The following TGFBR3 variants were observed in gnomAD, a reference collection of about 807,000 sequenced individuals.
The protein encoded by TGFBR3 is transforming growth factor beta receptor 3, also known as transforming growth factor beta receptor type 3.
A neutral mutation model predicts 87.9 loss-of-function variants in TGFBR3; 46 were observed. The ratio of observed to expected loss-of-function variants is 0.52; its 90% CI spans 0.41 to 0.67. The LOEUF (loss-of-function observed/expected upper bound fraction) is 0.67, where lower values mean the gene tolerates loss of function less well. Ranked by LOEUF, TGFBR3 falls within the 30% of genes least tolerant of loss-of-function variation. TGFBR3 has a pLI of 0.00. For synonymous variants in TGFBR3, 381 were observed against 391.6 expected (o/e 0.97, Z 0.32); for missense variants, 866 against 1,041.9 (o/e 0.83, Z 2.32).
At chr1:91,776,709 T>TATGCAG (rs1237945391) in intron 3 of TGFBR3, among the ~76,000 whole-genome samples, 3 of 152,190 alleles carry the variant, frequency 2.0e-5, no homozygotes, top group Non-Finnish European at 4.4e-5. Context: ...GGTGACAAAT[T>TATGCAG]GGTGGCAGCT....
intron 3 of TGFBR3, chr1:91,771,057 C>T (rs1482971202): frequency 3.9e-5 from 6 of 152,176 alleles, no homozygotes; most frequent in Non-Finnish European, 8.8e-5. Context: ...TATCTAACAC[C>T]TAAATGCTTC....
chr1:91,749,080 C>A (rs1316371356), intron 4 of TGFBR3, among the ~76,000 whole-genome samples: 1 of 152,144 alleles, frequency 6.6e-6, no homozygotes, highest in Non-Finnish European at 1.5e-5. Flanking sequence ...ATGGCAGGAC[C>A]ATAGCCTTCT....
chr1:91,703,973 A>T (rs1197383203), intron 14 of TGFBR3, among the ~76,000 whole-genome samples: 2 of 152,176 alleles, frequency 1.3e-5, no homozygotes, highest in Admixed American at 1.3e-4. Context: ...TCTTCCTTTT[A>T]GTTCATAATC....
At chr1:91,854,424 G>A (rs537925318) in intron 2 of TGFBR3, among the ~76,000 whole-genome samples, 1 of 151,948 alleles carries the variant, frequency 6.6e-6, no homozygotes, top group African/African-American at 2.4e-5. Flanking sequence ...AAGGTGGTAG[G>A]AACATGCTGA....
chr1:91,816,356 A>C (rs1676223384), intron 2 of TGFBR3, among the ~76,000 whole-genome samples: 1 of 152,254 alleles, frequency 6.6e-6, no homozygotes, highest in African/African-American at 2.4e-5. Flanking sequence ...AAAACATTTG[A>C]CAAAGATTAC....
Position 91,720,064 on chromosome 1 carries a change from A to G in TGFBR3, c.1242T>C (p.Asn414=), listed in dbSNP as rs368258508. The change falls in exon 9 of 17, where the codon AAT becomes AAC. Residue 414 remains asparagine, a synonymous_variant. Transcript: ENST00000212355. Reference sequence around the variant, plus strand: ...GAGGGAGCCCATCTTCTCCCTCTTCATTCCAGACTCTCCTGGAAATATCTG... The same window carrying G: ...GAGGGAGCCCATCTTCTCCCTCTTCGTTCCAGACTCTCCTGGAAATATCTG... The part of the protein sequence containing the change: ...PFPDISRRVW[N]EEGEDGLPRP... 1 of 1,614,148 alleles carries G rather than the reference A, an allele frequency of 6.2e-7. No homozygotes were observed.
At chr1:91,758,785 C>A in intron 3 of TGFBR3, 35 bp from the exon 4 acceptor site, 4 of 1,613,328 alleles carry the variant, frequency 2.5e-6, no homozygotes, top group East Asian at 2.2e-5. Context: ...GAAATCTTAG[C>A]CCTGGCTTTC....
At chr1:91,805,665 C>T (rs1367844397) in intron 2 of TGFBR3, among the ~76,000 whole-genome samples, 7 of 152,240 alleles carry the variant, frequency 4.6e-5, no homozygotes, top group Non-Finnish European at 1.0e-4. Flanking sequence ...CCTGAGGCCA[C>T]ACTGTGAAGC....
At chr1:91,869,208 A>T (rs918439141) in intron 1 of TGFBR3, among the ~76,000 whole-genome samples, 3 of 152,172 alleles carry the variant, frequency 2.0e-5, no homozygotes, top group African/African-American at 7.2e-5. Context: ...ACAACCCTTC[A>T]GGTTGTAATT....
At position 91,836,365 on chromosome 1, in the gene TGFBR3, G is replaced by A. The variant is rs1005122346; in HGVS notation, c.61+25106C>T. 2.0e-5 allele frequency among the ~76,000 whole-genome samples: 3 copies of A among 152,240 alleles called. No homozygotes were observed. The East Asian group carries it at 5.8e-4, about 29-fold the overall frequency. Reference sequence around the variant, plus strand: ...GGAACAACAGAGCACTTGAAACACAGTATCTCGTTAGATCTTCAAAACAAC... The same window carrying A: ...GGAACAACAGAGCACTTGAAACACAATATCTCGTTAGATCTTCAAAACAAC... On this transcript the variant is annotated intron_variant, in intron 2 of 16. Coordinates refer to ENST00000212355, the MANE Select transcript of TGFBR3 (RefSeq NM_003243.5).
At chr1:91,880,185 T>C (rs1679016676) in intron 1 of TGFBR3, among the ~76,000 whole-genome samples, 1 of 152,338 alleles carries the variant, frequency 6.6e-6, no homozygotes, top group Admixed American at 6.5e-5. Flanking sequence ...AAATTGCTTA[T>C]ATTCCTAGTG....
intron 4 of TGFBR3, among the ~76,000 whole-genome samples, chr1:91,744,078 T>C (rs2100850235): frequency 1.5e-5 from 2 of 135,866 alleles, no homozygotes; most frequent in South Asian, 5.1e-4. Flanking sequence ...TAATATTAAT[T>C]TTACTTACTT....
upstream of TGFBR3, among the ~76,000 whole-genome samples, chr1:91,889,636 G>A (rs1679404406): frequency 6.6e-6 from 1 of 152,076 alleles, no homozygotes; most frequent in Non-Finnish European, 1.5e-5. Flanking sequence ...TGGTTCCTGA[G>A]CAAAGCTCTA....
At chr1:91,688,030 G>C (rs537608253) in intron 16 of TGFBR3, among the ~76,000 whole-genome samples, 9 of 152,210 alleles carry the variant, frequency 5.9e-5, no homozygotes, top group African/African-American at 2.2e-4. Context: ...TTAATTTAGA[G>C]AAGTCTTCAA....
chr1:91,720,281 A>G (rs1040265697), intron 8 of TGFBR3, 51 bp from the exon 9 acceptor site: 9 of 1,505,862 alleles, frequency 6.0e-6, no homozygotes, highest in East Asian at 2.4e-5. Context: ...CCAGGCCACA[A>G]CCAACATCAT....
At chr1:91,886,292 ACTC>A (rs1557763598), upstream of TGFBR3, 1 of 358,882 alleles carries the variant, frequency 2.8e-6, no homozygotes, top group Admixed American at 3.0e-5. Flanking sequence ...CCGCCCAGAA[ACTC>A]CTCCTCCCGC....
chr1:91,709,897 G>T (rs1645384616), intron 13 of TGFBR3, among the ~76,000 whole-genome samples: 1 of 152,074 alleles, frequency 6.6e-6, no homozygotes, highest in Non-Finnish European at 1.5e-5. Flanking sequence ...CAGTAGCTGG[G>T]ACTACAGGTG....
At chr1:91,707,007 G>A (rs74327078) in intron 14 of TGFBR3, among the ~76,000 whole-genome samples, 1 of 152,298 alleles carries the variant, frequency 6.6e-6, no homozygotes, top group African/African-American at 2.4e-5. Context: ...AAATGTTGCC[G>A]AGAACATCTC....
chr1:91,885,681 A>C (rs1042040679), intron 1 of TGFBR3, among the ~76,000 whole-genome samples, 197 bp downstream of exon 1: 3 of 152,096 alleles, frequency 2.0e-5, no homozygotes, highest in African/African-American at 7.2e-5. Flanking sequence ...ACCGCTGGCC[A>C]CCGGTGCCTG....
Sources: allele counts gnomAD v4.1 joint callset (sites outside exome capture counted in the v4.1 genomes callset), GRCh38; gene constraint gnomAD v4.1.1; transcripts MANE v1.5; gene names NCBI Gene and HGNC (gene_info 2026-07-23, HGNC 2026-07-21).